The following SHISA9 variants were observed in gnomAD, a reference collection of about 807,000 sequenced individuals.
SHISA9 encodes the protein protein shisa-9.
In SHISA9, 13 loss-of-function variants were observed where a neutral mutation model predicts 38.0. The ratio of observed to expected loss-of-function variants is 0.34; its 90% CI spans 0.22 to 0.54. SHISA9 has a LOEUF of 0.54. SHISA9 is among the 20% of genes least tolerant of loss of function. The pLI, the probability that SHISA9 is intolerant of heterozygous loss-of-function variation, is 0.91. For synonymous variants in SHISA9, 275 were observed against 242.0 expected, an observed-to-expected ratio of 1.14 and a Z score of -1.27; for missense variants, 538 against 575.8, an observed-to-expected ratio of 0.93 and a Z score of 0.67.
the SHISA9 span, among the ~76,000 whole-genome samples, chr16:13,384,082 T>C: frequency 1.3e-5 from 2 of 152,360 alleles, no homozygotes; most frequent in South Asian, 4.1e-4. Flanking sequence ...GAAGAAACTA[T>C]GCCTCCTTTC....
At chr16:13,290,965 C>T in the SHISA9 span, among the ~76,000 whole-genome samples, 1 of 152,154 alleles carries the variant, frequency 6.6e-6, no homozygotes, top group South Asian at 2.1e-4. Context: ...GAGTTCTGAG[C>T]TCACAGCAGC....
chr16:13,362,507 C>T, the SHISA9 span, among the ~76,000 whole-genome samples: 1 of 152,032 alleles, frequency 6.6e-6, no homozygotes, highest in African/African-American at 2.4e-5. Flanking sequence ...CTGAAGAGGA[C>T]AGTATTGAGA....
chr16:13,176,281 C>T (rs143264076), intron 2 of SHISA9, among the ~76,000 whole-genome samples: 165 of 152,278 alleles, frequency 1.1e-3, no homozygotes, highest in African/African-American at 3.8e-3. Context: ...TATGTGCCTA[C>T]AGTCAGTTCT....
chr16:13,554,260 G>A, the SHISA9 span, among the ~76,000 whole-genome samples: 2 of 147,918 alleles, frequency 1.4e-5, no homozygotes, highest in South Asian at 2.1e-4. Context: ...CTAATAAAAT[G>A]TGAGCCAATG....
chr16:13,210,736 C>A (rs960445606), intron 3 of SHISA9, among the ~76,000 whole-genome samples: 8 of 152,190 alleles, frequency 5.3e-5, no homozygotes, highest in Non-Finnish European at 1.0e-4. Context: ...GCATCAGTAC[C>A]CCCCGTTTTG....
the SHISA9 span, among the ~76,000 whole-genome samples, chr16:13,410,249 A>T: frequency 2.6e-4 from 39 of 152,204 alleles, no homozygotes; most frequent in Non-Finnish European, 5.3e-4. Flanking sequence ...TCATGCCTGA[A>T]AATGTTGAAT....
At chr16:13,133,365 C>G (rs930577829) in intron 2 of SHISA9, among the ~76,000 whole-genome samples, 15 of 152,172 alleles carry the variant, frequency 9.9e-5, no homozygotes, top group African/African-American at 3.1e-4. Context: ...ATTTTCATTT[C>G]TCATTTTCTT....
chr16:13,472,988 T>G, the SHISA9 span, among the ~76,000 whole-genome samples: 10 of 152,358 alleles, frequency 6.6e-5, no homozygotes, highest in African/African-American at 1.9e-4. Context: ...ATTATTTAAT[T>G]ATTCTCCTCA....
At chr16:13,292,826 A>T in the SHISA9 span, among the ~76,000 whole-genome samples, 3 of 152,210 alleles carry the variant, frequency 2.0e-5, no homozygotes, top group Admixed American at 6.5e-5. Flanking sequence ...AAGGACCAAC[A>T]GTTCTAAGAC....
chr16:13,024,082 A>G (rs1281672463), intron 2 of SHISA9, among the ~76,000 whole-genome samples: 1 of 152,174 alleles, frequency 6.6e-6, no homozygotes, highest in Non-Finnish European at 1.5e-5. Context: ...ATCTCCATTA[A>G]TCCTCACTAA....
chr16:13,041,534 A>T (rs2141888609), intron 2 of SHISA9, among the ~76,000 whole-genome samples: 1 of 152,322 alleles, frequency 6.6e-6, no homozygotes, highest in Non-Finnish European at 1.5e-5. Context: ...CAGCCACTCA[A>T]GTTGGACTTG....
At chr16:13,520,559 C>T in the SHISA9 span, among the ~76,000 whole-genome samples, 5 of 138,618 alleles carry the variant, frequency 3.6e-5, no homozygotes, top group South Asian at 2.4e-4. Flanking sequence ...GCTGAGATGG[C>T]GCCATTGCAC....
the SHISA9 span, among the ~76,000 whole-genome samples, chr16:13,525,108 C>T: frequency 2.0e-5 from 3 of 152,074 alleles, no homozygotes; most frequent in South Asian, 2.1e-4. Flanking sequence ...GCCCTATCAC[C>T]GTAGTTTCCA....
At chr16:13,265,203 C>T in the SHISA9 span, among the ~76,000 whole-genome samples, 1 of 117,872 alleles carries the variant, frequency 8.5e-6, no homozygotes, top group Non-Finnish European at 1.8e-5. Context: ...CCCTCCCTTT[C>T]CCTCCACTTC....
chr16:13,008,471 C>T (rs958240497), intron 2 of SHISA9, among the ~76,000 whole-genome samples: 3 of 152,172 alleles, frequency 2.0e-5, no homozygotes, highest in African/African-American at 4.8e-5. Context: ...TTGTAATCCC[C>T]ACGTGTTGAG....
At chr16:13,393,541 A>G in the SHISA9 span, among the ~76,000 whole-genome samples, 1 of 152,218 alleles carries the variant, frequency 6.6e-6, no homozygotes, top group African/African-American at 2.4e-5. Context: ...GATTTGGGGC[A>G]GGAGGGAATG....
chr16:12,950,580 A>T (rs1273533292), intron 2 of SHISA9, among the ~76,000 whole-genome samples: 1 of 152,132 alleles, frequency 6.6e-6, no homozygotes, highest in African/African-American at 2.4e-5. Flanking sequence ...GTTCCTCAAA[A>T]AACGAAAAAT....
At chr16:13,180,490 G>C (rs2050768026) in intron 2 of SHISA9, among the ~76,000 whole-genome samples, 1 of 152,190 alleles carries the variant, frequency 6.6e-6, no homozygotes, top group Non-Finnish European at 1.5e-5. Flanking sequence ...TTGAGCTCAG[G>C]AGTTCGAGAC....
chr16:13,075,250 T>C (rs2073567109), intron 2 of SHISA9, among the ~76,000 whole-genome samples: 1 of 152,160 alleles, frequency 6.6e-6, no homozygotes, highest in African/African-American at 2.4e-5. Flanking sequence ...GATAGCATAA[T>C]GAAGTCAACA....
Sources: allele counts gnomAD v4.1 joint callset (sites outside exome capture counted in the v4.1 genomes callset), GRCh38; gene constraint gnomAD v4.1.1; transcripts MANE v1.5; gene names NCBI Gene and HGNC (gene_info 2026-07-23, HGNC 2026-07-21).